The following PCLO variants were observed in gnomAD, a reference collection of about 807,000 sequenced individuals.
PCLO encodes the protein piccolo presynaptic cytomatrix protein, also known as protein piccolo.
Under a neutral mutation model 427.5 loss-of-function variants are expected in PCLO, and 82 were observed. That is an observed-to-expected ratio of 0.19 (90% CI 0.16 to 0.23). The LOEUF is 0.23. Among genes scored for constraint, PCLO ranks in the 10% least tolerant of loss-of-function variants. PCLO has a pLI of 1.00. For missense variants in PCLO, 6,239 were observed against 6,115.9 expected (o/e 1.02, Z -0.67); for synonymous variants, 2,357 against 2,155.4 (o/e 1.09, Z -2.59).
intron 3 of PCLO, among the ~76,000 whole-genome samples, chr7:83,102,456 A>G (rs2116492077): frequency 6.6e-6 from 1 of 152,088 alleles, no homozygotes; most frequent in East Asian, 1.9e-4. Flanking sequence ...TTCCCTCACC[A>G]TCCCTGCCAC....
At chr7:83,031,166 A>AT (rs1187597106) in intron 3 of PCLO, among the ~76,000 whole-genome samples, 1 of 152,182 alleles carries the variant, frequency 6.6e-6, no homozygotes, top group Non-Finnish European at 1.5e-5. Flanking sequence ...GAGCAAAGTA[A>AT]TTTGAAAGAG....
At chr7:82,865,476 A>G (rs1288244669) in intron 10 of PCLO, among the ~76,000 whole-genome samples, 1 of 152,178 alleles carries the variant, frequency 6.6e-6, no homozygotes, top group Non-Finnish European at 1.5e-5. Flanking sequence ...CGACAGAGCA[A>G]GATGCCGTCT....
chr7:82,791,347 T>C (rs1281661722), intron 22 of PCLO, among the ~76,000 whole-genome samples: 1 of 152,192 alleles, frequency 6.6e-6, no homozygotes, highest in Non-Finnish European at 1.5e-5. Flanking sequence ...ACACCAACAA[T>C]AGTTGTCTGG....
chr7:82,976,192 A>G (rs1796014558), intron 3 of PCLO, among the ~76,000 whole-genome samples: 1 of 152,136 alleles, frequency 6.6e-6, no homozygotes, highest in African/African-American at 2.4e-5. Context: ...TGGGATAGGA[A>G]GCAGGAATGC....
In PCLO at chr7:82,908,908, T is replaced by G. The variant is rs775188418; in HGVS notation, c.13406A>C (p.His4469Pro). The change falls in exon 8 of 25, where the codon CAC becomes CCC. Residue 4469 changes from histidine to proline, a missense_variant. His to Pro is a moderately conservative substitution (Grantham distance 77, BLOSUM62 -2). Coordinates refer to ENST00000333891, the MANE Select transcript of PCLO (RefSeq NM_033026.6). ...TTGATGTTGACTGAGTGGTCTAGAG[T>G]GGACCAATCTTTCCGGCAGTTTTCG... ...LDRKLPERLV[H>P]SRPLSQHQEQ... 6.2e-7 allele frequency: 1 copy of G among 1,612,948 alleles called. No individual in the cohort carries two copies. The highest frequency in any genetic ancestry group is 2.2e-5 in the East Asian group (1 of 44,810).
chr7:82,971,862 G>A (rs1366237502), intron 3 of PCLO, among the ~76,000 whole-genome samples: 1 of 151,072 alleles, frequency 6.6e-6, no homozygotes, highest in Non-Finnish European at 1.5e-5. Flanking sequence ...AATCATCCTT[G>A]TGGATGCTTT....
intron 3 of PCLO, among the ~76,000 whole-genome samples, chr7:82,970,414 CAGAA>C (rs1398978718): frequency 6.6e-6 from 1 of 151,494 alleles, no homozygotes; most frequent in African/African-American, 2.4e-5. Context: ...AATCTAGAGG[CAGAA>C]AGAAACTATT....
chr7:82,873,134 A>G (rs1298242143), intron 10 of PCLO, among the ~76,000 whole-genome samples: 9 of 151,996 alleles, frequency 5.9e-5, no homozygotes, highest in Non-Finnish European at 1.3e-4. Context: ...TAAGACAATG[A>G]AACAGTATGA....
intron 3 of PCLO, among the ~76,000 whole-genome samples, chr7:83,024,501 G>A (rs577139191): frequency 2.2e-3 from 342 of 152,234 alleles, no homozygotes; most frequent in African/African-American, 7.3e-3. Flanking sequence ...TCTGAGATCA[G>A]ACTGCAATGC....
chr7:82,766,237 A>G (rs1790529961), intron 22 of PCLO, among the ~76,000 whole-genome samples: 1 of 152,080 alleles, frequency 6.6e-6, no homozygotes, highest in Non-Finnish European at 1.5e-5. Context: ...GTCTCAGTAG[A>G]ATCAGGAAAA....
intron 3 of PCLO, among the ~76,000 whole-genome samples, chr7:83,079,888 C>G (rs116667609): frequency 0.012 from 1,787 of 151,728 alleles, 38 homozygotes; most frequent in African/African-American, 0.04. Flanking sequence ...CTCACCCCCC[C>G]ACAGACCCCA....
intron 4 of PCLO, among the ~76,000 whole-genome samples, chr7:82,964,842 C>G (rs182489084): frequency 4.7e-4 from 72 of 152,202 alleles, no homozygotes; most frequent in African/African-American, 1.5e-3. Context: ...CATCAGATAG[C>G]AGAGATGGGT....
intron 3 of PCLO, among the ~76,000 whole-genome samples, chr7:83,125,250 G>A (rs1186546792): frequency 6.6e-6 from 1 of 151,408 alleles, no homozygotes; most frequent in African/African-American, 2.4e-5. Flanking sequence ...CTGCCCGGCC[G>A]CCACCCCATC....
rs753522164 is a variant in PCLO at position 82,827,966 on chromosome 7, A to G, written c.14250T>C (p.Ser4750=). ...RGQVMVVQNA[S]AEYKRRTKHV... is the part of the protein sequence containing the mutation. The stretch of plus-strand genomic sequence containing the variant: ...GTTTAGTCCTTCTCTTGTACTCAGC[A>G]CTGAATTGGGAGAAAAGAAAGAGTT... Residue 4750 remains serine (S), a splice_region_variant and synonymous_variant, in exon 17 of 25, where the codon AGT becomes AGC. Transcript: ENST00000333891. 6.4e-7 allele frequency: 1 copy of G among 1,567,280 alleles called. No individual in the cohort carries two copies.
chr7:82,813,942 A>G (rs1298964249), intron 20 of PCLO, among the ~76,000 whole-genome samples: 1 of 151,856 alleles, frequency 6.6e-6, no homozygotes. Context: ...TTATGCCAAT[A>G]CAATTAATTT....
chr7:82,981,752 TAATAAG>T (rs1186601009), intron 3 of PCLO, among the ~76,000 whole-genome samples: 2 of 152,138 alleles, frequency 1.3e-5, no homozygotes, highest in Non-Finnish European at 2.9e-5. Flanking sequence ...CATCTTTACG[TAATAAG>T]AATAAGCATC....
At chr7:82,948,985 G>C (rs1296168420) in intron 6 of PCLO, among the ~76,000 whole-genome samples, 1 of 152,106 alleles carries the variant, frequency 6.6e-6, no homozygotes, top group Admixed American at 6.5e-5. Flanking sequence ...GGAAGAAGAG[G>C]ATACTGACCA....
intron 3 of PCLO, among the ~76,000 whole-genome samples, chr7:83,076,082 A>G (rs1028524159): frequency 2.0e-5 from 3 of 151,454 alleles, no homozygotes; most frequent in Non-Finnish European, 4.4e-5. Flanking sequence ...TTATCTCAGC[A>G]TGCCTCTGCA....
rs145867771 is a variant in PCLO at position 83,018,461 on chromosome 7, C to T, written c.3301-51974G>A. Among the ~76,000 whole-genome samples the T allele has an allele frequency of 1.9e-3, 296 of 151,918 alleles. 5 individuals carry two copies. Among genetic ancestry groups the T allele is most frequent in the Admixed American group, 0.017 (264 of 15,232 alleles). Reference sequence around the variant, plus strand: ...TTTTCTACAATGAGCACTATTATAACCAAAAATATAGAGAGCTAAAATAAT... The same window carrying T: ...TTTTCTACAATGAGCACTATTATAATCAAAAATATAGAGAGCTAAAATAAT... On this transcript the variant is annotated intron_variant, in intron 3 of 24. Transcript: ENST00000333891.
Sources: allele counts gnomAD v4.1 joint callset (sites outside exome capture counted in the v4.1 genomes callset), GRCh38; gene constraint gnomAD v4.1.1; transcripts MANE v1.5; gene names NCBI Gene and HGNC (gene_info 2026-07-23, HGNC 2026-07-21).